Variants in SEPSECS observed in about 807,000 individuals in gnomAD.
SEPSECS encodes O-phosphoseryl-tRNA(Sec) selenium transferase.
A neutral mutation model predicts 52.1 loss-of-function variants in SEPSECS; 42 were observed. The observed-to-expected ratio is 0.81, with a 90% CI of 0.63 to 1.04. The LOEUF (loss-of-function observed/expected upper bound fraction) is 1.04, where lower values mean the gene tolerates loss of function less well. Among genes scored for constraint, SEPSECS ranks in the 50% least tolerant of loss-of-function variants. The probability of loss-of-function intolerance (pLI) is 0.00; values close to 1 mark genes in which losing one functional copy is unlikely to be tolerated. For synonymous variants in SEPSECS, 216 were observed against 211.4 expected (o/e 1.02, Z -0.19); for missense variants, 590 against 610.6 (o/e 0.97, Z 0.36).
chr4:25,154,126 T>C (rs1712475550), intron 5 of SEPSECS, among the ~76,000 whole-genome samples: 1 of 152,086 alleles, frequency 6.6e-6, no homozygotes, highest in Non-Finnish European at 1.5e-5. Flanking sequence ...TGAAAAGTAA[T>C]CTTAAAATAG....
At chr4:25,138,765 C>G (rs1208301933) in intron 8 of SEPSECS, among the ~76,000 whole-genome samples, 1 of 152,072 alleles carries the variant, frequency 6.6e-6, no homozygotes, top group African/African-American at 2.4e-5. Context: ...CTATGTGCCC[C>G]AAAACAAGGG....
At chr4:25,133,238 TTCTAC>T (rs1199776456) in intron 8 of SEPSECS, among the ~76,000 whole-genome samples, 2 of 152,176 alleles carry the variant, frequency 1.3e-5, no homozygotes, top group Non-Finnish European at 2.9e-5. Flanking sequence ...TTCCTGTTTA[TTCTAC>T]TCTACTCTAT....
At chr4:25,155,384 A>G (rs1384594327) in intron 4 of SEPSECS, among the ~76,000 whole-genome samples, 1 of 152,226 alleles carries the variant, frequency 6.6e-6, no homozygotes, top group African/African-American at 2.4e-5. Flanking sequence ...TAACACTTGG[A>G]TATGACAAGA....
chr4:25,160,391 G>A lies in SEPSECS; in HGVS notation c.-22C>T, dbSNP rs1465582263. On this transcript the variant is annotated 5_prime_UTR_variant, in exon 1 of 11. Coordinates refer to ENST00000382103, the MANE Select transcript of SEPSECS (RefSeq NM_016955.4). ...TCATGACAGCGGTGGCGACAGTGGC[G>A]AATAAGCGGGAGCACTAGCTCCACA... is the stretch of plus-strand genomic sequence containing the variant. 2.0e-6 allele frequency: 3 copies of A among 1,533,238 alleles called. No individual in the cohort carries two copies. Among genetic ancestry groups the A allele is most frequent in the Non-Finnish European group, 1.8e-6 (2 of 1,132,708 alleles). The allele number at this position is 1,533,238 out of a possible 1,614,324, so 95.0% of individuals were successfully genotyped here.
At chr4:25,149,485 C>T (rs1319599160) in intron 6 of SEPSECS, among the ~76,000 whole-genome samples, 1 of 151,964 alleles carries the variant, frequency 6.6e-6, no homozygotes, top group Admixed American at 6.6e-5. Flanking sequence ...AGAAATATAA[C>T]ACTAAAAAAA....
chr4:25,137,881 A>G (rs913009714), intron 8 of SEPSECS, among the ~76,000 whole-genome samples: 2 of 152,228 alleles, frequency 1.3e-5, no homozygotes, highest in Non-Finnish European at 2.9e-5. Flanking sequence ...AATACTATGC[A>G]GCCTTAAAAA....
Position 25,145,024 on chromosome 4 carries a change from T to C in SEPSECS, c.914A>G (p.Glu305Gly), listed in dbSNP as rs1249193724. 2 of 1,613,894 alleles carry C rather than the reference T, an allele frequency of 1.2e-6. No individual in the cohort carries two copies. Among genetic ancestry groups the C allele is most frequent in the African/African-American group, 2.7e-5 (2 of 74,926 alleles). ...TTTACCTGGATACATCTTGCTGATT[T>C]CCTGAATGAATGAATCATTAAAGCC... ...IAGFNDSFIQEISKMYPGRAS... is the reference protein window; with the variant it reads ...IAGFNDSFIQGISKMYPGRAS... Residue 305 changes from glutamate to glycine, a missense_variant, in exon 7 of 11, where the codon GAA (glutamate) becomes GGA (glycine). Physicochemically the swap from Glu to Gly is moderately conservative, Grantham distance 98. Coordinates refer to ENST00000382103, the MANE Select transcript of SEPSECS (RefSeq NM_016955.4).
intron 8 of SEPSECS, among the ~76,000 whole-genome samples, chr4:25,127,790 T>C (rs1048760946): frequency 5.3e-5 from 8 of 152,210 alleles, no homozygotes; most frequent in Non-Finnish European, 8.8e-5. Context: ...TCTCCCCTGA[T>C]GACTTCCTCC....
intron 8 of SEPSECS, among the ~76,000 whole-genome samples, chr4:25,141,774 C>G (rs970672217): frequency 2.0e-5 from 3 of 152,122 alleles, no homozygotes; most frequent in Admixed American, 2.0e-4. Flanking sequence ...CTAGAAGGCC[C>G]CACGTGATCA....
intron 8 of SEPSECS, among the ~76,000 whole-genome samples, chr4:25,137,334 T>C (rs1160760240): frequency 1.3e-5 from 2 of 151,830 alleles, no homozygotes; most frequent in East Asian, 1.9e-4. Flanking sequence ...AGGTCTAATA[T>C]CCAGTCTACA....
At chr4:25,153,095 A>C (rs1265116830) in intron 5 of SEPSECS, among the ~76,000 whole-genome samples, 1 of 151,954 alleles carries the variant, frequency 6.6e-6, no homozygotes, top group Non-Finnish European at 1.5e-5. Flanking sequence ...GACCAAAAAC[A>C]AGTTATCAAT....
At chr4:25,151,770 AT>A (rs1243495786) in intron 6 of SEPSECS, among the ~76,000 whole-genome samples, 189 bp downstream of exon 6, 2 of 152,188 alleles carry the variant, frequency 1.3e-5, no homozygotes, top group African/African-American at 4.8e-5. Flanking sequence ...TATCAGTCCA[AT>A]TATCACCACA....
intron 8 of SEPSECS, among the ~76,000 whole-genome samples, chr4:25,141,932 C>T (rs55815118): frequency 0.094 from 14,277 of 152,238 alleles, 856 homozygotes; most frequent in South Asian, 0.2. Flanking sequence ...GCCTGAAACG[C>T]ACTTCACCAT....
At chr4:25,146,035 G>A (rs1206341978) in intron 6 of SEPSECS, among the ~76,000 whole-genome samples, 1 of 152,042 alleles carries the variant, frequency 6.6e-6, no homozygotes, top group Non-Finnish European at 1.5e-5. Context: ...TTACCTACTA[G>A]AAATGTAAAA....
chr4:25,142,625 TTAGAC>T (rs1224076061), intron 8 of SEPSECS, among the ~76,000 whole-genome samples: 3 of 152,236 alleles, frequency 2.0e-5, no homozygotes, highest in African/African-American at 7.2e-5. Flanking sequence ...TTTCCGTACT[TTAGAC>T]TACGCTATTT....
intron 2 of SEPSECS, among the ~76,000 whole-genome samples, chr4:25,157,558 G>T (rs200560359): frequency 0.14 from 14,473 of 102,334 alleles, 848 homozygotes; most frequent in South Asian, 0.26. Flanking sequence ...TTTTTTTTTC[G>T]TTTTGAGACG....
At chr4:25,136,856 C>T (rs565566221) in intron 8 of SEPSECS, among the ~76,000 whole-genome samples, 1 of 152,236 alleles carries the variant, frequency 6.6e-6, no homozygotes, top group South Asian at 2.1e-4. Flanking sequence ...GGTACTGGTA[C>T]AAAAACAGAC....
chr4:25,125,934 T>C (rs1728346275), intron 9 of SEPSECS, 150 bp from the exon 10 acceptor site: 1 of 663,614 alleles, frequency 1.5e-6, no homozygotes, highest in Admixed American at 2.5e-5. Context: ...TCTTAGGGAT[T>C]TGTTTATATA....
chr4:25,159,622 AT>A, intron 1 of SEPSECS: 1 of 384,558 alleles, frequency 2.6e-6, no homozygotes, highest in Non-Finnish European at 5.3e-6. Flanking sequence ...AAATACAAAC[AT>A]TAACCGGGTG....
Sources: allele counts gnomAD v4.1 joint callset (sites outside exome capture counted in the v4.1 genomes callset), GRCh38; gene constraint gnomAD v4.1.1; transcripts MANE v1.5; gene names NCBI Gene and HGNC (gene_info 2026-07-23, HGNC 2026-07-21).